The following PRKAR1A variants were observed in gnomAD, a reference collection of about 807,000 sequenced individuals.
PRKAR1A encodes cAMP-dependent protein kinase type I-alpha regulatory subunit.
Under a neutral mutation model 52.0 loss-of-function variants are expected in PRKAR1A, and 3 were observed. The ratio of observed to expected loss-of-function variants is 0.06; its 90% confidence interval spans 0.03 to 0.15. The LOEUF (loss-of-function observed/expected upper bound fraction) is 0.15. PRKAR1A is among the 10% of genes least tolerant of loss of function. The pLI is 1.00. For missense variants in PRKAR1A, 240 were observed against 477.4 expected (o/e 0.50, Z 4.63); for synonymous variants, 188 against 168.4 (o/e 1.12, Z -0.90).
the PRKAR1A span, among the ~76,000 whole-genome samples, chr17:68,464,257 T>C: frequency 1.3e-5 from 2 of 152,206 alleles, no homozygotes; most frequent in Non-Finnish European, 2.9e-5. Context: ...AGATATCCGA[T>C]GATGAAACCA....
chr17:68,428,591 G>A, the PRKAR1A span: 2 of 449,066 alleles, frequency 4.5e-6, no homozygotes, highest in South Asian at 2.2e-5. Context: ...AGCATAGGCT[G>A]AGGGGGAGAC....
At chr17:68,461,490 T>TA in the PRKAR1A span, among the ~76,000 whole-genome samples, 1 of 152,198 alleles carries the variant, frequency 6.6e-6, no homozygotes, top group African/African-American at 2.4e-5. This position sits in a 1 kb window ranked among gnomAD's most constrained non-coding sequence, Gnocchi z 4.6. Flanking sequence ...TCACCCCATA[T>TA]GGTCATTCAT....
chr17:68,465,177 C>G, the PRKAR1A span, among the ~76,000 whole-genome samples: 2 of 152,092 alleles, frequency 1.3e-5, no homozygotes, highest in East Asian at 3.9e-4. Flanking sequence ...CGTGATCTGC[C>G]CGCCTCGGCC....
At chr17:68,523,556 T>A (rs1299740392) in intron 3 of PRKAR1A, among the ~76,000 whole-genome samples, 169 bp from the exon 4 acceptor site, 1 of 152,236 alleles carries the variant, frequency 6.6e-6, no homozygotes, top group African/African-American at 2.4e-5. Flanking sequence ...TCAATACTTG[T>A]TGAGTAGTTT....
At chr17:68,447,896 G>A in the PRKAR1A span, among the ~76,000 whole-genome samples, 1 of 150,372 alleles carries the variant, frequency 6.7e-6, no homozygotes, top group Admixed American at 6.7e-5. Context: ...GGGAGGGTGA[G>A]GCAGGAGAAT....
At position 68,532,878 on chromosome 17, in the gene PRKAR1A, A is replaced by T. The variant is rs1422176506; in HGVS notation, c.*2429A>T. On this transcript the variant is annotated 3_prime_UTR_variant, in exon 11 of 11. Coordinates refer to ENST00000589228, the MANE Select transcript of PRKAR1A (RefSeq NM_002734.5). ...GAAAAGGGGGAAAGTGAATTATGGG[A>T]TCGGTGTTTTGAAAGAGCAATGTTT... is the stretch of plus-strand genomic sequence containing the variant. The T allele has an allele frequency of 9.4e-7, 1 of 1,066,132 alleles. No homozygotes were observed. The highest frequency in any genetic ancestry group is 1.1e-6 in the Non-Finnish European group (1 of 879,784). The allele number at this position is 1,066,132 out of a possible 1,614,324, so 66.0% of individuals were successfully genotyped here.
the PRKAR1A span, chr17:68,428,785 G>T: frequency 1.4e-6 from 2 of 1,480,474 alleles, no homozygotes; most frequent in South Asian, 2.3e-5. Flanking sequence ...AACTCTACAC[G>T]ACCAGCTCTC....
Position 68,531,900 on chromosome 17 carries a change from G to T in PRKAR1A, c.*1451G>T, listed in dbSNP as rs2085986117. 1 of 1,052,370 alleles carries T rather than the reference G, an allele frequency of 9.5e-7. No individual in the cohort carries two copies. The highest frequency in any genetic ancestry group is 5.0e-5 in the East Asian group (1 of 19,986). 65.2% of individuals were successfully genotyped at this position (1,052,370 alleles called of 1,614,324 possible). A position where few individuals can be genotyped will look rare whatever the true frequency, so the allele number is the denominator to read the frequency against. On this transcript the variant is annotated 3_prime_UTR_variant, in exon 11 of 11. Coordinates refer to ENST00000589228, the MANE Select transcript of PRKAR1A (RefSeq NM_002734.5). The stretch of plus-strand genomic sequence containing the variant: ...GTGATTTATATATAAGGTAATGTAG[G>T]GTTATATTTGGGAGTGACTGCAAGC...
At chr17:68,540,502 G>T in intron 11 of PRKAR1A, 1 of 477,416 alleles carries the variant, frequency 2.1e-6, no homozygotes, top group Non-Finnish European at 4.1e-6. Flanking sequence ...GGCCTCGCCT[G>T]AGGCCCTCCC....
chr17:68,423,906 T>C, the PRKAR1A span, among the ~76,000 whole-genome samples: 4 of 152,332 alleles, frequency 2.6e-5, no homozygotes, highest in Admixed American at 6.5e-5. The surrounding 1 kb of genome is among the most constrained non-coding windows in gnomAD (Gnocchi z 4.4). Context: ...TATTTTATAG[T>C]AGTTACAGAC....
the PRKAR1A span, chr17:68,434,572 G>T: frequency 6.2e-7 from 1 of 1,613,948 alleles, no homozygotes; most frequent in South Asian, 1.1e-5. Flanking sequence ...ATCCCTCTCC[G>T]GAACTCATAG....
At chr17:68,511,504 T>G (rs115704314), upstream of PRKAR1A, among the ~76,000 whole-genome samples, 192 of 152,258 alleles carry the variant, frequency 1.3e-3, 2 homozygotes, top group African/African-American at 4.5e-3. Context: ...TTTTTGACAA[T>G]CTGCACGCTC....
intron 1 of PRKAR1A, among the ~76,000 whole-genome samples, chr17:68,514,450 G>A (rs891503691): frequency 6.6e-6 from 1 of 152,158 alleles, no homozygotes; most frequent in Non-Finnish European, 1.5e-5. Context: ...TGTTAAATTA[G>A]TAAACTTTTA....
At chr17:68,451,047 T>G in the PRKAR1A span, 1 of 1,102,632 alleles carries the variant, frequency 9.1e-7, no homozygotes, top group East Asian at 2.8e-5. Context: ...GCATTGACAG[T>G]GATCCACCAT....
chr17:68,503,276 C>T, the PRKAR1A span, among the ~76,000 whole-genome samples: 3 of 152,170 alleles, frequency 2.0e-5, no homozygotes, highest in Non-Finnish European at 4.4e-5. Flanking sequence ...CAAGATGGTA[C>T]AGGGTACACC....
the PRKAR1A span, among the ~76,000 whole-genome samples, chr17:68,483,011 G>A: frequency 6.6e-6 from 1 of 152,100 alleles, no homozygotes; most frequent in Non-Finnish European, 1.5e-5. Context: ...ATGCTGTGGT[G>A]TCAAACATAG....
chr17:68,544,040 C>G (rs2086434682), intron 11 of PRKAR1A, among the ~76,000 whole-genome samples: 1 of 152,106 alleles, frequency 6.6e-6, no homozygotes, highest in Non-Finnish European at 1.5e-5. Flanking sequence ...AATAGACATT[C>G]TTCTGCAGGT....
chr17:68,495,620 C>G, the PRKAR1A span, among the ~76,000 whole-genome samples: 5 of 152,194 alleles, frequency 3.3e-5, no homozygotes, highest in African/African-American at 7.2e-5. Context: ...ACGTGCTTCT[C>G]TTATTATACT....
the PRKAR1A span, among the ~76,000 whole-genome samples, chr17:68,417,733 A>ATTTTTTT: frequency 7.1e-3 from 429 of 60,838 alleles, 86 homozygotes; most frequent in Middle Eastern, 0.042. Flanking sequence ...GAGTTGCTGA[A>ATTTTTTT]TTTTTTTTTT....
Sources: gnomAD v4.1 joint callset for allele counts (sites outside exome capture counted in the v4.1 genomes callset) on GRCh38, gnomAD v4.1.1 for gene constraint, Gnocchi (gnomAD v3.1) non-coding constraint, MANE v1.5 for transcripts, NCBI Gene and HGNC (gene_info 2026-07-23, HGNC 2026-07-21) for gene names.